Variants in RGS6 observed in about 807,000 individuals in gnomAD.
RGS6 encodes the protein regulator of G-protein signaling 6.
In RGS6, 30 loss-of-function variants were observed where a neutral mutation model predicts 78.5. The observed-to-expected ratio is 0.38, with a 90% CI of 0.29 to 0.52. The LOEUF is 0.52. RGS6 is among the 20% of genes least tolerant of loss of function. RGS6 has a pLI of 0.85. For missense variants in RGS6, 495 were observed against 609.7 expected (o/e 0.81, Z 1.98); for synonymous variants, 206 against 206.0 (o/e 1.00, Z 0.00).
intron 13 of RGS6, among the ~76,000 whole-genome samples, chr14:72,495,650 G>A (rs555223236): frequency 4.6e-5 from 7 of 152,184 alleles, no homozygotes; most frequent in South Asian, 4.2e-4. Flanking sequence ...GAATCCCCTC[G>A]ACAGGTAAAC....
At chr14:72,617,894 C>T in the RGS6 span, among the ~76,000 whole-genome samples, 1 of 152,192 alleles carries the variant, frequency 6.6e-6, no homozygotes, top group Non-Finnish European at 1.5e-5. Context: ...GGGTTCCGCT[C>T]ACCGAGACCT....
chr14:72,419,195 A>G (rs2094020022), intron 3 of RGS6, among the ~76,000 whole-genome samples: 1 of 152,240 alleles, frequency 6.6e-6, no homozygotes, highest in African/African-American at 2.4e-5. Flanking sequence ...TTTGATTAGT[A>G]GTAGTAAAAA....
At chr14:72,343,231 G>A (rs1282389899) in intron 2 of RGS6, among the ~76,000 whole-genome samples, 1 of 152,206 alleles carries the variant, frequency 6.6e-6, no homozygotes, top group African/African-American at 2.4e-5. Flanking sequence ...GCAGGACTGT[G>A]TTTCTTTCTG....
chr14:72,442,024 G>C (rs1369407172), intron 3 of RGS6, among the ~76,000 whole-genome samples: 2 of 152,178 alleles, frequency 1.3e-5, no homozygotes, highest in Non-Finnish European at 2.9e-5. Context: ...GGAATGGAGG[G>C]AAATGTTTGC....
intron 2 of RGS6, among the ~76,000 whole-genome samples, chr14:72,323,136 AAC>A (rs1443194995): frequency 6.6e-6 from 1 of 152,170 alleles, no homozygotes; most frequent in African/African-American, 2.4e-5. Flanking sequence ...TGTACTGTAA[AAC>A]ACAAAGAATC....
At chr14:72,490,628 G>A (rs2096566159) in intron 12 of RGS6, among the ~76,000 whole-genome samples, 1 of 152,136 alleles carries the variant, frequency 6.6e-6, no homozygotes, top group African/African-American at 2.4e-5. Flanking sequence ...TATATAACAT[G>A]ATGAACTTGA....
In RGS6 at chr14:72,167,029, C is replaced by T. The variant is rs541532298; in HGVS notation, c.85-185066C>T. The stretch of plus-strand genomic sequence containing the variant: ...AACCTATTTTAATCCCTTACTAGCC[C>T]AGTTGTAAATTTCAAATAAGTCATT... On this transcript the variant is annotated intron_variant, in intron 2 of 17. Coordinates refer to ENST00000553525, the MANE Select transcript of RGS6 (RefSeq NM_001204424.2). 1.6e-3 allele frequency among the ~76,000 whole-genome samples: 234 copies of T among 145,080 alleles called. 1 individual carries two copies. The highest frequency in any genetic ancestry group is 6.9e-3 in the Middle Eastern group (2 of 290).
intron 2 of RGS6, among the ~76,000 whole-genome samples, chr14:72,280,112 G>A (rs73302888): frequency 0.041 from 6,194 of 151,988 alleles, 381 homozygotes; most frequent in African/African-American, 0.14. Context: ...CCACCGCCAC[G>A]CCCCCACCCC....
At chr14:72,285,825 C>T (rs2062436174) in intron 2 of RGS6, among the ~76,000 whole-genome samples, 1 of 152,096 alleles carries the variant, frequency 6.6e-6, no homozygotes, top group African/African-American at 2.4e-5. Flanking sequence ...TTGAGAAATG[C>T]CTGTTCAAGT....
intron 2 of RGS6, among the ~76,000 whole-genome samples, chr14:72,300,322 G>C (rs1396615331): frequency 6.6e-6 from 1 of 152,142 alleles, no homozygotes; most frequent in Non-Finnish European, 1.5e-5. Context: ...GCTCAGAAAG[G>C]TGAAATAGAT....
chr14:72,246,176 T>A (rs1303158523), intron 2 of RGS6, among the ~76,000 whole-genome samples: 2 of 152,224 alleles, frequency 1.3e-5, no homozygotes, highest in African/African-American at 4.8e-5. Flanking sequence ...ACCCACTGGC[T>A]TCCTACAGGC....
At chr14:72,090,573 C>T (rs1444723150) in intron 2 of RGS6, among the ~76,000 whole-genome samples, 1 of 152,298 alleles carries the variant, frequency 6.6e-6, no homozygotes, top group African/African-American at 2.4e-5. Context: ...TTATTCATCC[C>T]AAAATGGTCT....
chr14:72,513,570 A>T (rs550463678), intron 14 of RGS6, among the ~76,000 whole-genome samples: 1 of 152,216 alleles, frequency 6.6e-6, no homozygotes, highest in Non-Finnish European at 1.5e-5. Flanking sequence ...GGGAATGCTC[A>T]TGGCTTCTGT....
At chr14:72,414,981 G>C (rs140969129) in intron 3 of RGS6, among the ~76,000 whole-genome samples, 3,299 of 152,308 alleles carry the variant, frequency 0.022, 126 homozygotes, top group African/African-American at 0.076. Flanking sequence ...GTGCCTCCCA[G>C]TTAGGCTACT....
intron 12 of RGS6, among the ~76,000 whole-genome samples, chr14:72,478,569 G>C (rs1241934273): frequency 6.6e-6 from 1 of 152,160 alleles, no homozygotes; most frequent in East Asian, 1.9e-4. Context: ...ACGGGACCTT[G>C]TCAATCAAGG....
intron 2 of RGS6, among the ~76,000 whole-genome samples, chr14:72,192,246 C>G (rs1265224430): frequency 2.0e-5 from 3 of 152,166 alleles, no homozygotes; most frequent in Admixed American, 6.5e-5. Flanking sequence ...ACACCACCAT[C>G]TTGTTCACCA....
intron 2 of RGS6, among the ~76,000 whole-genome samples, chr14:72,014,469 T>C (rs896452467): frequency 6.6e-6 from 1 of 152,220 alleles, no homozygotes; most frequent in Non-Finnish European, 1.5e-5. Flanking sequence ...TATGAGGCTT[T>C]GATTTTTGGA....
chr14:72,352,206 C>T lies in RGS6; in HGVS notation c.184+12C>T. 2 of 1,603,130 alleles carry T rather than the reference C, an allele frequency of 1.2e-6. No homozygotes were observed. The highest frequency in any genetic ancestry group is 1.7e-5 in the Admixed American group (1 of 59,642). On this transcript the variant is annotated intron_variant, in intron 3 of 17. Coordinates refer to ENST00000553525, the MANE Select transcript of RGS6 (RefSeq NM_001204424.2). ...CAGTGTCGTCACAGGTAACACCCTCCTTGCAAGGTGTTGGTAACAGTCAGA... is the reference window on the plus strand; with the variant it reads ...CAGTGTCGTCACAGGTAACACCCTCTTTGCAAGGTGTTGGTAACAGTCAGA...
chr14:72,438,087 C>T (rs941171155), intron 3 of RGS6, among the ~76,000 whole-genome samples: 2 of 152,078 alleles, frequency 1.3e-5, no homozygotes, highest in African/African-American at 4.8e-5. Context: ...AGACAGGTTC[C>T]AGGAGGGCCT....
Sources: gnomAD v4.1 joint callset for allele counts (sites outside exome capture counted in the v4.1 genomes callset) on GRCh38, gnomAD v4.1.1 for gene constraint, MANE v1.5 for transcripts, NCBI Gene and HGNC (gene_info 2026-07-23, HGNC 2026-07-21) for gene names.